Variants in TASP1 observed in about 807,000 individuals in gnomAD.
The protein encoded by TASP1 is threonine aspartase 1.
A neutral mutation model predicts 56.6 loss-of-function variants in TASP1; 16 were observed. The observed-to-expected ratio is 0.28, with a 90% CI of 0.19 to 0.43. The LOEUF (loss-of-function observed/expected upper bound fraction) is 0.43, where lower values mean the gene tolerates loss of function less well. Among genes scored for constraint, TASP1 ranks in the 20% least tolerant of loss-of-function variants. TASP1 has a pLI of 1.00. For missense variants in TASP1, 393 were observed against 511.6 expected (o/e 0.77, Z 2.24); for synonymous variants, 179 against 184.2 (o/e 0.97, Z 0.23).
In TASP1 at chr20:13,569,585, A is replaced by G. The variant is rs372001284; in HGVS notation, c.490T>C (p.Phe164Leu). Reference sequence around the variant, plus strand: ...CTGTAGGCTCCTTCTCCAACTAAAAAGCTAACAACAGAAAAATTATTTTTA... The same window carrying G: ...CTGTAGGCTCCTTCTCCAACTAAAAGGCTAACAACAGAAAAATTATTTTTA... Reference protein sequence around the residue: ...KLSAGRIPPCFLVGEGAYRWA... With the variant: ...KLSAGRIPPCLLVGEGAYRWA... Residue 164 changes from phenylalanine to leucine, a missense_variant and splice_region_variant, in exon 7 of 14, where the codon TTT becomes CTT. Physicochemically the swap from Phe to Leu is conservative, Grantham distance 22 (BLOSUM62 0). Coordinates refer to ENST00000337743, the MANE Select transcript of TASP1 (RefSeq NM_017714.3). The G allele has an allele frequency of 3.7e-6, 6 of 1,611,128 alleles. No homozygotes were observed. Among genetic ancestry groups the G allele is most frequent in the Non-Finnish European group, 5.1e-6 (6 of 1,179,048 alleles).
intron 8 of TASP1, among the ~76,000 whole-genome samples, chr20:13,536,452 T>C (rs917544609): frequency 1.3e-5 from 2 of 152,330 alleles, no homozygotes; most frequent in African/African-American, 4.8e-5. Context: ...GGATTTGGTA[T>C]CTATATTTTA....
At chr20:13,259,438 A>G in the TASP1 span, among the ~76,000 whole-genome samples, 1 of 152,194 alleles carries the variant, frequency 6.6e-6, no homozygotes, top group Non-Finnish European at 1.5e-5. Flanking sequence ...GAAGACAAAA[A>G]CTGTCCAAAT....
the TASP1 span, among the ~76,000 whole-genome samples, chr20:13,188,112 A>C: frequency 2.6e-5 from 4 of 152,098 alleles, no homozygotes; most frequent in Non-Finnish European, 5.9e-5. Flanking sequence ...AAGGAGGAAA[A>C]ATTGAAAGCC....
chr20:13,323,539 C>T, the TASP1 span, among the ~76,000 whole-genome samples: 1 of 152,300 alleles, frequency 6.6e-6, no homozygotes, highest in East Asian at 1.9e-4. Flanking sequence ...CAGTATGATA[C>T]TATTCATATG....
the TASP1 span, among the ~76,000 whole-genome samples, chr20:13,293,920 G>A: frequency 1.3e-5 from 2 of 151,870 alleles, no homozygotes; most frequent in African/African-American, 4.8e-5. Context: ...GTTGCAGTGA[G>A]TCGAGATCAC....
the TASP1 span, among the ~76,000 whole-genome samples, chr20:13,281,487 A>G: frequency 6.6e-6 from 1 of 152,206 alleles, no homozygotes; most frequent in Non-Finnish European, 1.5e-5. Flanking sequence ...ATTTCATTAA[A>G]TCAGCTCTCT....
chr20:13,174,428 T>C, the TASP1 span, among the ~76,000 whole-genome samples: 2 of 152,306 alleles, frequency 1.3e-5, no homozygotes, highest in African/African-American at 4.8e-5. Context: ...CAGGGTGTGG[T>C]GGCGCATGCC....
intron 8 of TASP1, among the ~76,000 whole-genome samples, chr20:13,548,975 C>G (rs529205625): frequency 6.6e-6 from 1 of 151,964 alleles, no homozygotes; most frequent in African/African-American, 2.4e-5. Flanking sequence ...TAAAGAATTC[C>G]TTAATAAGAG....
At chr20:13,349,093 G>A in the TASP1 span, among the ~76,000 whole-genome samples, 4 of 152,098 alleles carry the variant, frequency 2.6e-5, no homozygotes, top group Admixed American at 6.6e-5. Flanking sequence ...ATGGAACCTC[G>A]ATGTCTGGAA....
At chr20:13,630,573 C>A (rs1329148312) in intron 1 of TASP1, among the ~76,000 whole-genome samples, 1 of 151,124 alleles carries the variant, frequency 6.6e-6, no homozygotes, top group African/African-American at 2.4e-5. Context: ...ACCTGTAATC[C>A]CAGCTACGCA....
intron 10 of TASP1, among the ~76,000 whole-genome samples, chr20:13,521,700 G>T (rs1436620884): frequency 6.6e-6 from 1 of 151,424 alleles, no homozygotes; most frequent in African/African-American, 2.4e-5. Context: ...GTTAATGGGT[G>T]CAGCACACCA....
intron 13 of TASP1, among the ~76,000 whole-genome samples, chr20:13,404,446 A>G (rs1311496851): frequency 6.6e-6 from 1 of 152,136 alleles, no homozygotes; most frequent in African/African-American, 2.4e-5. Flanking sequence ...CATCTCTACA[A>G]AACATTTAAA....
At chr20:13,617,135 A>G in intron 4 of TASP1, 1 of 446,124 alleles carries the variant, frequency 2.2e-6, no homozygotes, top group Non-Finnish European at 4.5e-6. Flanking sequence ...TCAAAAAATA[A>G]AACAAAAAAT....
intron 13 of TASP1, among the ~76,000 whole-genome samples, chr20:13,412,687 G>GT (rs1174372038): frequency 6.6e-6 from 1 of 151,842 alleles, no homozygotes; most frequent in Non-Finnish European, 1.5e-5. Flanking sequence ...CATTCACTAA[G>GT]TTTTTTTTAA....
the TASP1 span, chr20:13,221,941 G>C: frequency 1.5e-6 from 2 of 1,315,124 alleles, no homozygotes; most frequent in Non-Finnish European, 1.9e-6. Flanking sequence ...AGAGGGCCGT[G>C]CGCGGCTGCG....
chr20:13,441,730 G>A (rs1409434205), intron 11 of TASP1, among the ~76,000 whole-genome samples: 1 of 152,184 alleles, frequency 6.6e-6, no homozygotes, highest in Admixed American at 6.5e-5. Flanking sequence ...CACTAAAGAA[G>A]CTGCTGTGGC....
chr20:13,546,760 C>G (rs1361205271), intron 8 of TASP1, among the ~76,000 whole-genome samples: 1 of 152,274 alleles, frequency 6.6e-6, no homozygotes, highest in Non-Finnish European at 1.5e-5. Flanking sequence ...TTTGGAATGG[C>G]CAGTGGAGAT....
intron 11 of TASP1, among the ~76,000 whole-genome samples, chr20:13,470,352 A>G (rs561475738): frequency 6.6e-6 from 1 of 152,248 alleles, no homozygotes; most frequent in South Asian, 2.1e-4. Context: ...TTCTACCATG[A>G]GCTTCCTAAT....
the TASP1 span, among the ~76,000 whole-genome samples, chr20:13,340,655 G>C: frequency 6.6e-6 from 1 of 152,072 alleles, no homozygotes; most frequent in African/African-American, 2.4e-5. Context: ...TATTTATCAT[G>C]TTTTAGGGGT....
Sources: allele counts gnomAD v4.1 joint callset (sites outside exome capture counted in the v4.1 genomes callset), GRCh38; gene constraint gnomAD v4.1.1; transcripts MANE v1.5; gene names NCBI Gene and HGNC (gene_info 2026-07-23, HGNC 2026-07-21).